The following MPDZ variants were observed in gnomAD, a reference collection of about 807,000 sequenced individuals.
The protein encoded by MPDZ is multiple PDZ domain crumbs cell polarity complex component, also known as multiple PDZ domain protein.
Under a neutral mutation model 239.1 loss-of-function variants are expected in MPDZ, and 234 were observed. That is an observed-to-expected ratio of 0.98 (90% CI 0.88 to 1.09). The LOEUF is 1.09. Ranked by LOEUF, MPDZ falls within the 50% of genes least tolerant of loss-of-function variation. The probability of loss-of-function intolerance (pLI) is 0.00; values close to 1 mark genes in which losing one functional copy is unlikely to be tolerated. For missense variants in MPDZ, 3,175 were observed against 2,510.0 expected (o/e 1.26, Z -5.66); for synonymous variants, 1,048 against 881.3 (o/e 1.19, Z -3.35).
intron 30 of MPDZ, among the ~76,000 whole-genome samples, chr9:13,136,429 T>C (rs1327334045): frequency 6.9e-6 from 1 of 145,882 alleles, no homozygotes; most frequent in African/African-American, 2.6e-5. Flanking sequence ...CCTCCCAGGT[T>C]CAAGTGATTC....
In MPDZ at chr9:13,112,017, GACTC is replaced by G; in HGVS notation, c.5724+3_5724+6del. The G allele has an allele frequency of 3.1e-6, 5 of 1,612,870 alleles. No homozygotes were observed. The highest frequency in any genetic ancestry group is 4.2e-6 in the Non-Finnish European group (5 of 1,179,206). ...CTAGGGCTTCTAGGGTTGATAGTAC[GACTC>G]ACTCTGAGTTTTTGGGTCTGTGCTG... is the stretch of plus-strand genomic sequence containing the variant. On this transcript the variant is annotated splice_donor_5th_base_variant and intron_variant, in intron 43 of 46. Coordinates refer to ENST00000319217, the MANE Select transcript of MPDZ (RefSeq NM_001378778.1).
chr9:13,247,254 A>G (rs1966772255), intron 3 of MPDZ, among the ~76,000 whole-genome samples: 2 of 152,328 alleles, frequency 1.3e-5, no homozygotes, highest in East Asian at 1.9e-4. Context: ...CTTATCTGAA[A>G]TCTTGTAAGT....
intron 34 of MPDZ, 49 bp from the exon 35 acceptor site, chr9:13,125,439 G>C (rs376005836): frequency 5.9e-6 from 9 of 1,523,596 alleles, no homozygotes; most frequent in African/African-American, 1.4e-5. Context: ...AGCTGAATTA[G>C]TAGACATACC....
At chr9:13,274,246 T>C (rs1287646385) in intron 1 of MPDZ, among the ~76,000 whole-genome samples, 3 of 151,164 alleles carry the variant, frequency 2.0e-5, no homozygotes, top group Middle Eastern at 3.4e-3. Flanking sequence ...CAACATTAAG[T>C]TTTTTCTTAA....
chr9:13,237,881 T>G (rs1964478823), intron 3 of MPDZ, among the ~76,000 whole-genome samples: 1 of 152,132 alleles, frequency 6.6e-6, no homozygotes, highest in African/African-American at 2.4e-5. Context: ...ATTTTTCCAT[T>G]TTTCAAATTT....
intron 10 of MPDZ, among the ~76,000 whole-genome samples, chr9:13,210,968 T>C (rs769368624): frequency 2.6e-5 from 4 of 151,994 alleles, no homozygotes; most frequent in Non-Finnish European, 5.9e-5. Context: ...TTCCTTCTCT[T>C]CTCTCAACTT....
intron 15 of MPDZ, 120 bp from the exon 16 acceptor site, chr9:13,190,419 T>C: frequency 9.6e-6 from 8 of 832,686 alleles, no homozygotes; most frequent in Non-Finnish European, 1.3e-5. Flanking sequence ...CAAACAAGAG[T>C]AGCAACAGCT....
chr9:13,187,325 T>C (rs915095816), intron 17 of MPDZ, among the ~76,000 whole-genome samples: 35 of 152,104 alleles, frequency 2.3e-4, no homozygotes, highest in Admixed American at 9.8e-4. Context: ...TCTGAATAAC[T>C]GGTATGGTTT....
At chr9:13,240,580 T>TAAAAAAAAAAAA (rs71331533) in intron 3 of MPDZ, among the ~76,000 whole-genome samples, 1 of 44,014 alleles carries the variant, frequency 2.3e-5, no homozygotes, top group African/African-American at 1.2e-4. Flanking sequence ...ATAATAAAAG[T>TAAAAAAAAAAAA]AAAAAAAAAA....
intron 21 of MPDZ, among the ~76,000 whole-genome samples, chr9:13,172,373 T>C (rs938512929): frequency 8.0e-6 from 1 of 125,052 alleles, no homozygotes. Flanking sequence ...CTTAAATGTC[T>C]TACTTTGTTT....
chr9:13,192,882 G>A (rs185837489), intron 14 of MPDZ, among the ~76,000 whole-genome samples: 5 of 152,018 alleles, frequency 3.3e-5, no homozygotes, highest in South Asian at 2.1e-4. Flanking sequence ...ATCTGAATGC[G>A]TTACTTATTC....
chr9:13,247,716 G>A lies in MPDZ; in HGVS notation c.102C>T (p.Ser34=), dbSNP rs372321052. The change falls in exon 3 of 47, where the codon AGC becomes AGT. Residue 34 remains serine (S), a synonymous_variant. Coordinates refer to ENST00000319217, the MANE Select transcript of MPDZ (RefSeq NM_001378778.1). ...GGCTCTGCAGGACTGACTTCAGAAG[G>A]CTCAGTTTGTCTTCATTTGCTACAT... The part of the protein sequence containing the change: ...RGDVANEDKL[S]LLKSVLQSPL... 7 of 1,613,428 alleles carry A rather than the reference G, an allele frequency of 4.3e-6. No homozygotes were observed. Among genetic ancestry groups the A allele is most frequent in the Non-Finnish European group, 5.9e-6 (7 of 1,179,644 alleles).
At position 13,192,309 on chromosome 9, in the gene MPDZ, T is replaced by C. The variant is rs544143249; in HGVS notation, c.1804-14A>G. The C allele has an allele frequency of 2.0e-5, 32 of 1,583,488 alleles. No individual in the cohort carries two copies. Among genetic ancestry groups the C allele is most frequent in the African/African-American group, 1.9e-4 (14 of 74,446 alleles). On this transcript the variant is annotated splice_polypyrimidine_tract_variant and intron_variant, in intron 14 of 46. Transcript: ENST00000319217. ...TATGCCATTTACCTGTGAAAAAAGA[T>C]ACATTGTCCAACAAACAACACTTCA...
chr9:13,186,231 G>C (rs1954079035), intron 18 of MPDZ, 39 bp downstream of exon 18: 2 of 1,198,942 alleles, frequency 1.7e-6, no homozygotes, highest in Non-Finnish European at 1.2e-6. Context: ...AGACATATCA[G>C]GTTTCTGAAA....
intron 21 of MPDZ, among the ~76,000 whole-genome samples, chr9:13,175,137 G>A (rs1952293537): frequency 6.6e-6 from 1 of 152,136 alleles, no homozygotes; most frequent in Admixed American, 6.5e-5. Flanking sequence ...CTCAATGAGA[G>A]AACAAATGTG....
intron 18 of MPDZ, among the ~76,000 whole-genome samples, chr9:13,185,349 T>C (rs1394324303): frequency 1.3e-5 from 2 of 152,096 alleles, no homozygotes; most frequent in Admixed American, 6.6e-5. Context: ...AAAGAAATAA[T>C]TCACTCTGTT....
intron 23 of MPDZ, among the ~76,000 whole-genome samples, chr9:13,159,531 A>T (rs753678911): frequency 3.9e-5 from 6 of 152,160 alleles, no homozygotes; most frequent in Non-Finnish European, 8.8e-5. Context: ...TGACCTGGAA[A>T]TACAACAGGA....
intron 3 of MPDZ, among the ~76,000 whole-genome samples, chr9:13,230,214 A>G (rs956274877): frequency 6.6e-6 from 1 of 152,168 alleles, no homozygotes; most frequent in African/African-American, 2.4e-5. Flanking sequence ...GAAATGTAAA[A>G]TGGTACACCC....
At chr9:13,265,488 G>A (rs1564163922) in intron 1 of MPDZ, among the ~76,000 whole-genome samples, 1 of 152,178 alleles carries the variant, frequency 6.6e-6, no homozygotes, top group Non-Finnish European at 1.5e-5. Context: ...AGAATCACTT[G>A]AACCTGGAAG....
Sources: gnomAD v4.1 joint callset for allele counts (sites outside exome capture counted in the v4.1 genomes callset) on GRCh38, gnomAD v4.1.1 for gene constraint, MANE v1.5 for transcripts, NCBI Gene and HGNC (gene_info 2026-07-23, HGNC 2026-07-21) for gene names.